Variants in GYPE observed in about 807,000 individuals in gnomAD.
The protein encoded by GYPE is glycophorin E (MNS blood group), also known as glycophorin-E.
Under a neutral mutation model 11.6 loss-of-function variants are expected in GYPE, and 8 were observed. The ratio of observed to expected loss-of-function variants is 0.69; its 90% CI spans 0.41 to 1.25. The LOEUF is 1.25. Ranked by LOEUF, GYPE falls within the 50% of genes most tolerant of loss-of-function variation. The probability of loss-of-function intolerance (pLI) is 0.01; values close to 1 mark genes in which losing one functional copy is unlikely to be tolerated. For missense variants in GYPE, 90 were observed against 92.8 expected (o/e 0.97, Z 0.12); for synonymous variants, 28 against 29.6 (o/e 0.94, Z 0.18).
intron 1 of GYPE, among the ~76,000 whole-genome samples, chr4:143,897,419 T>C (rs1744693907): frequency 6.6e-6 from 1 of 152,064 alleles, no homozygotes; most frequent in Non-Finnish European, 1.5e-5. Flanking sequence ...AAGTAAGTTA[T>C]GACTGTGCCG....
intron 1 of GYPE, among the ~76,000 whole-genome samples, chr4:143,883,243 G>C (rs7695853): frequency 0.69 from 104,300 of 151,788 alleles, 36,151 homozygotes; most frequent in East Asian, 0.95. Flanking sequence ...CTTGTTCCAG[G>C]CATGTAAGAC....
intron 1 of GYPE, among the ~76,000 whole-genome samples, chr4:143,892,190 T>A (rs1744433682): frequency 6.6e-6 from 1 of 152,168 alleles, no homozygotes; most frequent in South Asian, 2.1e-4. Context: ...TCTATTTGAT[T>A]CTTCTCTCTT....
chr4:143,881,465 A>G (rs548686447), intron 1 of GYPE, among the ~76,000 whole-genome samples: 2 of 152,154 alleles, frequency 1.3e-5, no homozygotes, highest in Non-Finnish European at 2.9e-5. Flanking sequence ...CAGCCTATGC[A>G]AGGTTGAACA....
At chr4:143,898,236 G>A (rs1051329496) in intron 1 of GYPE, among the ~76,000 whole-genome samples, 1 of 152,138 alleles carries the variant, frequency 6.6e-6, no homozygotes, top group African/African-American at 2.4e-5. Flanking sequence ...AATTAACTGG[G>A]CGTGGTGGTG....
At chr4:143,892,581 C>A (rs1332340631) in intron 1 of GYPE, among the ~76,000 whole-genome samples, 4 of 151,884 alleles carry the variant, frequency 2.6e-5, no homozygotes. Flanking sequence ...AGTAGTCATT[C>A]AGGAGCAGGT....
intron 1 of GYPE, among the ~76,000 whole-genome samples, chr4:143,885,170 T>C (rs1419766493): frequency 6.6e-6 from 1 of 152,060 alleles, no homozygotes; most frequent in Admixed American, 6.6e-5. Flanking sequence ...GGCAGAAAAT[T>C]ACAGCAGATT....
intron 3 of GYPE, chr4:143,873,586 G>C (rs1743689763): frequency 2.5e-6 from 1 of 397,396 alleles, no homozygotes. Context: ...CATTTGACAA[G>C]ACCATCTGGA....
intron 1 of GYPE, among the ~76,000 whole-genome samples, chr4:143,898,064 AC>A (rs33996076): frequency 0.93 from 141,238 of 152,246 alleles, 66,469 homozygotes; most frequent in East Asian, 1. Context: ...AAAGACAGAA[AC>A]TTTTAGATTG....
chr4:143,875,373 A>G (rs1167391558), intron 3 of GYPE: 1 of 1,193,120 alleles, frequency 8.4e-7, no homozygotes, highest in Non-Finnish European at 1.2e-6. Flanking sequence ...TAGGCAGGAG[A>G]ACAGGGAGTT....
At chr4:143,889,055 T>C (rs1474305511) in intron 1 of GYPE, among the ~76,000 whole-genome samples, 2 of 123,890 alleles carry the variant, frequency 1.6e-5, no homozygotes, top group Non-Finnish European at 3.4e-5. Context: ...ATGAGCCAGT[T>C]TCTGCTCATC....
intron 1 of GYPE, among the ~76,000 whole-genome samples, chr4:143,887,604 G>A (rs1346045714): frequency 3.1e-4 from 44 of 141,360 alleles, no homozygotes; most frequent in African/African-American, 1.1e-3. Context: ...CAGAGGAGGA[G>A]GGATAAAGAA....
At position 143,871,294 on chromosome 4, in the gene GYPE, T is replaced by G. The variant is rs1053517816; in HGVS notation, c.*968A>C. 6.6e-6 allele frequency: 1 copy of G among 152,100 alleles called. No individual in the cohort carries two copies. Among genetic ancestry groups the G allele is most frequent in the African/African-American group, 2.4e-5 (1 of 41,412 alleles). 9.4% of individuals were successfully genotyped at this position (152,100 alleles called of 1,614,324 possible). ...CTTCAAGGAACCTAAATCCTGGTGT[T>G]TTTATGGTTACGGGTGGCATATAAT... On this transcript the variant is annotated 3_prime_UTR_variant, in exon 4 of 4. Coordinates refer to ENST00000358615, the MANE Select transcript of GYPE (RefSeq NM_198682.3).
intron 1 of GYPE, among the ~76,000 whole-genome samples, chr4:143,891,702 G>A (rs1035205672): frequency 2.6e-5 from 4 of 151,928 alleles, no homozygotes; most frequent in African/African-American, 7.3e-5. Flanking sequence ...CTAGGGTGCC[G>A]GCCGTTCACA....
intron 3 of GYPE, among the ~76,000 whole-genome samples, chr4:143,873,035 T>C (rs940460257): frequency 2.0e-5 from 3 of 151,952 alleles, no homozygotes; most frequent in Admixed American, 1.3e-4. Flanking sequence ...TTTGAAAAAA[T>C]TGCTCTGTGA....
chr4:143,889,152 T>G (rs1251707404), intron 1 of GYPE, among the ~76,000 whole-genome samples: 1 of 150,652 alleles, frequency 6.6e-6, no homozygotes, highest in Non-Finnish European at 1.5e-5. Context: ...GGTGCTGTAT[T>G]TATTCTATCT....
chr4:143,905,355 G>A, intron 1 of GYPE, 116 bp downstream of exon 1: 1 of 1,513,446 alleles, frequency 6.6e-7, no homozygotes, highest in Non-Finnish European at 8.9e-7. Flanking sequence ...ACTGGAAGAG[G>A]AAATACTACT....
intron 1 of GYPE, among the ~76,000 whole-genome samples, chr4:143,897,933 T>C (rs13111935): frequency 0.18 from 26,918 of 152,150 alleles, 2,797 homozygotes; most frequent in Middle Eastern, 0.29. Context: ...AAATAAAACA[T>C]AGTATATATA....
At chr4:143,893,639 C>A (rs1257230583) in intron 1 of GYPE, among the ~76,000 whole-genome samples, 1 of 152,044 alleles carries the variant, frequency 6.6e-6, no homozygotes, top group Admixed American at 6.6e-5. Context: ...AATATTGGCC[C>A]CCGCTCTCTT....
At position 143,870,873 on chromosome 4, in the gene GYPE, T is replaced by C. The variant is rs1743596332; in HGVS notation, c.*1389A>G. On this transcript the variant is annotated 3_prime_UTR_variant, in exon 4 of 4. Transcript: ENST00000358615. ...AAACTGCCCAAGACTGTGTAATTTA[T>C]AAAGGAAAGAGGTTTTATTGATCTA... 5 of 151,774 alleles carry C rather than the reference T, an allele frequency of 3.3e-5. No homozygotes were observed. The highest frequency in any genetic ancestry group is 3.3e-4 in the Admixed American group (5 of 15,248). 9.4% of individuals were successfully genotyped at this position (151,774 alleles called of 1,614,324 possible).
Sources: allele counts gnomAD v4.1 joint callset (sites outside exome capture counted in the v4.1 genomes callset), GRCh38; gene constraint gnomAD v4.1.1; transcripts MANE v1.5; gene names NCBI Gene and HGNC (gene_info 2026-07-23, HGNC 2026-07-21).